Variants in ITPKB observed in about 807,000 individuals in gnomAD.
The protein encoded by ITPKB is inositol-trisphosphate 3-kinase B.
Under a neutral mutation model 69.4 loss-of-function variants are expected in ITPKB, and 13 were observed. The ratio of observed to expected loss-of-function variants is 0.19; its 90% CI spans 0.12 to 0.30. The LOEUF is 0.30. Ranked by LOEUF, ITPKB falls within the 10% of genes least tolerant of loss-of-function variation. The pLI is 1.00. For missense variants in ITPKB, 1,240 were observed against 1,250.5 expected, an observed-to-expected ratio of 0.99 and a Z score of 0.13; for synonymous variants, 584 against 513.7, an observed-to-expected ratio of 1.14 and a Z score of -1.85.
intron 2 of ITPKB, among the ~76,000 whole-genome samples, chr1:226,668,386 G>T (rs1669546940): frequency 6.6e-6 from 1 of 152,168 alleles, no homozygotes; most frequent in Non-Finnish European, 1.5e-5. Context: ...ACTTTGGGGT[G>T]GCTCGTCCCC....
chr1:226,702,592 C>T (rs1211499375), intron 2 of ITPKB, among the ~76,000 whole-genome samples: 1 of 152,170 alleles, frequency 6.6e-6, no homozygotes, highest in Non-Finnish European at 1.5e-5. Flanking sequence ...ACTACGCTTG[C>T]ACAGTAAGGG....
chr1:226,697,666 C>T (rs938127865), intron 2 of ITPKB, among the ~76,000 whole-genome samples: 1 of 152,218 alleles, frequency 6.6e-6, no homozygotes, highest in Non-Finnish European at 1.5e-5. Flanking sequence ...AGCCACTTTT[C>T]CTCACCACAA....
chr1:226,643,975 A>C (rs1168742915), intron 4 of ITPKB, among the ~76,000 whole-genome samples: 1 of 152,206 alleles, frequency 6.6e-6, no homozygotes, highest in Admixed American at 6.5e-5. Flanking sequence ...GTGTGCATCC[A>C]TGTGTGTACT....
chr1:226,721,616 C>T (rs1479342953), intron 2 of ITPKB, among the ~76,000 whole-genome samples: 1 of 151,714 alleles, frequency 6.6e-6, no homozygotes, highest in Admixed American at 6.6e-5. Context: ...CTGCCTCAGC[C>T]TCCCAAGTAG....
In ITPKB at chr1:226,647,260, T is replaced by C; in HGVS notation, c.2153A>G (p.Asp718Gly). ...LRPFVPAYHGDVVKDGERYNQ... is the reference protein window; with the variant it reads ...LRPFVPAYHGGVVKDGERYNQ... ...GTAGCGCTCCCCGTCCTTCACCACATCCCCATGGTAGGCAGGTACGAAGGG... is the reference window on the plus strand; with the variant it reads ...GTAGCGCTCCCCGTCCTTCACCACACCCCCATGGTAGGCAGGTACGAAGGG... The change falls in exon 4 of 8, where the codon GAT becomes GGT. Residue 718 changes from aspartate (D) to glycine (G), a missense_variant. By Grantham distance (94) the Asp-to-Gly change is moderately conservative. Around this residue, in one of 2 missense-constraint regions of ITPKB, gnomAD observed 248 missense variants for 396.7 expected, o/e 0.63. Transcript: ENST00000429204. 6.2e-7 allele frequency: 1 copy of C among 1,614,110 alleles called. No individual in the cohort carries two copies. Among genetic ancestry groups the C allele is most frequent in the Non-Finnish European group, 8.5e-7 (1 of 1,180,010 alleles).
At chr1:226,703,329 G>A (rs929270778) in intron 2 of ITPKB, among the ~76,000 whole-genome samples, 47 of 152,346 alleles carry the variant, frequency 3.1e-4, no homozygotes, top group African/African-American at 1.1e-3. Context: ...TGTTTACAAT[G>A]AACGGACGGC....
rs141277775 is a variant in ITPKB, at chr1:226,635,077, C to T, written c.2626-191G>A. On this transcript the variant is annotated intron_variant, in intron 7 of 7. Transcript: ENST00000429204. Reference sequence around the variant, plus strand: ...ATGGCCATGCCTGGGCAGAGGGCATCGGGTTCCAGGGTCGGCGACCACCCT... The same window carrying T: ...ATGGCCATGCCTGGGCAGAGGGCATTGGGTTCCAGGGTCGGCGACCACCCT... Among the ~76,000 whole-genome samples the T allele has an allele frequency of 4.6e-3, 698 of 152,272 alleles. 7 individuals are homozygous for T. Among genetic ancestry groups the T allele is most frequent in the African/African-American group, 0.016 (655 of 41,556 alleles).
chr1:226,711,851 C>T (rs776605873), intron 2 of ITPKB, among the ~76,000 whole-genome samples: 1 of 152,190 alleles, frequency 6.6e-6, no homozygotes, highest in Non-Finnish European at 1.5e-5. Flanking sequence ...AGATGAGGGG[C>T]TTCCCTGTAG....
chr1:226,658,667 T>C (rs1571844597), intron 2 of ITPKB, among the ~76,000 whole-genome samples: 1 of 152,204 alleles, frequency 6.6e-6, no homozygotes, highest in East Asian at 1.9e-4. Flanking sequence ...CGCCGTGTGA[T>C]GTTCCCGCAG....
chr1:226,684,783 A>G (rs61835598), intron 2 of ITPKB, among the ~76,000 whole-genome samples: 7,476 of 152,298 alleles, frequency 0.049, 260 homozygotes, highest in Middle Eastern at 0.15. Flanking sequence ...TACAGGTAAC[A>G]AAACCCAAGT....
chr1:226,709,612 T>C (rs2102635887), intron 2 of ITPKB, among the ~76,000 whole-genome samples: 1 of 152,254 alleles, frequency 6.6e-6, no homozygotes, highest in South Asian at 2.1e-4. Flanking sequence ...AAGAACTTCC[T>C]AGGTAAAGCA....
At chr1:226,705,778 T>C (rs1013049927) in intron 2 of ITPKB, among the ~76,000 whole-genome samples, 1 of 152,206 alleles carries the variant, frequency 6.6e-6, no homozygotes. Context: ...GCATGTTTTC[T>C]CCTGACCCCT....
chr1:226,634,552 C>A lies in ITPKB; in HGVS notation c.*119G>T. The A allele has an allele frequency of 1.6e-6, 1 of 622,706 alleles. No homozygotes were observed. The highest frequency in any genetic ancestry group is 2.9e-6 in the Non-Finnish European group (1 of 340,738). 38.6% of individuals were successfully genotyped at this position (622,706 alleles called of 1,614,324 possible). A position where few individuals can be genotyped will look rare whatever the true frequency, so the allele number is the denominator to read the frequency against. The stretch of plus-strand genomic sequence containing the variant: ...TCTCATCTCCTCTTCTACAAAGTGT[C>A]TTGTAGTGCAGTTCAGGAGGGTCAG... On this transcript the variant is annotated 3_prime_UTR_variant, in exon 8 of 8. Transcript: ENST00000429204. This position sits in a 1 kb window ranked among gnomAD's most constrained non-coding sequence, Gnocchi z 6.3.
intron 2 of ITPKB, among the ~76,000 whole-genome samples, chr1:226,715,651 A>G (rs958527436): frequency 2.0e-5 from 3 of 152,260 alleles, no homozygotes; most frequent in Non-Finnish European, 4.4e-5. Context: ...CAGGAATGTA[A>G]CAAGAGGTTT....
intron 2 of ITPKB, among the ~76,000 whole-genome samples, chr1:226,657,935 C>T (rs1571844032): frequency 6.6e-6 from 1 of 152,198 alleles, no homozygotes; most frequent in Non-Finnish European, 1.5e-5. Context: ...GAGGCCTGAA[C>T]AAAGGCCTAC....
intron 2 of ITPKB, among the ~76,000 whole-genome samples, chr1:226,665,834 G>A (rs1355376496): frequency 6.6e-6 from 1 of 152,188 alleles, no homozygotes; most frequent in Admixed American, 6.5e-5. Flanking sequence ...TTGCAGCCAC[G>A]GCCCAGCCCA....
intron 2 of ITPKB, among the ~76,000 whole-genome samples, chr1:226,681,575 GA>G (rs1169436162): frequency 6.6e-6 from 1 of 151,896 alleles, no homozygotes; most frequent in African/African-American, 2.4e-5. Context: ...GGGGCATACA[GA>G]AAAATACCTA....
rs115260159 is a variant in ITPKB at position 226,698,991 on chromosome 1, G to T, written c.1932+36536C>A. Among the ~76,000 whole-genome samples the T allele has an allele frequency of 4.0e-3, 612 of 152,390 alleles. 4 individuals are homozygous for T. The highest frequency in any genetic ancestry group is 0.014 in the African/African-American group (594 of 41,590). ...CTGCTATGAAGGACACAGGGAAGAG[G>T]TGGCAGGCAGGAACAATGCCTTAAG... is the stretch of plus-strand genomic sequence containing the variant. On this transcript the variant is annotated intron_variant, in intron 2 of 7. Transcript: ENST00000429204.
intron 2 of ITPKB, among the ~76,000 whole-genome samples, chr1:226,732,545 G>GTTT (rs61106601): frequency 3.7e-5 from 5 of 135,768 alleles, no homozygotes; most frequent in Non-Finnish European, 6.5e-5. Context: ...GCGTTCTTTT[G>GTTT]TTTTTTTTTT....
Sources: allele counts gnomAD v4.1 joint callset (sites outside exome capture counted in the v4.1 genomes callset), GRCh38; gene constraint gnomAD v4.1.1; regional missense constraint gnomAD v4.1.1; non-coding constraint Gnocchi (gnomAD v3.1); transcripts MANE v1.5; gene names NCBI Gene and HGNC (gene_info 2026-07-23, HGNC 2026-07-21).